Variants in ZEB2 observed in about 807,000 individuals in gnomAD.
ZEB2 encodes zinc finger E-box-binding homeobox 2.
ZEB2 carries 6 observed loss-of-function variants against 99.9 expected under a neutral mutation model. The observed-to-expected ratio is 0.06, with a 90% confidence interval of 0.03 to 0.12. The LOEUF is 0.12. Among genes scored for constraint, ZEB2 ranks in the 10% least tolerant of loss-of-function variants. The probability of loss-of-function intolerance (pLI) is 1.00; values close to 1 mark genes in which losing one functional copy is unlikely to be tolerated. For missense variants in ZEB2, 969 were observed against 1,502.8 expected (o/e 0.64, Z 5.87); for synonymous variants, 517 against 542.5 (o/e 0.95, Z 0.65).
chr2:144,460,213 T>G (rs189100412), intron 2 of ZEB2, among the ~76,000 whole-genome samples: 1 of 152,154 alleles, frequency 6.6e-6, no homozygotes, highest in Non-Finnish European at 1.5e-5. Context: ...GATTAAACCA[T>G]GGACACGTCA....
intron 2 of ZEB2, among the ~76,000 whole-genome samples, chr2:144,432,355 T>TAA (rs1703785113): frequency 6.6e-6 from 1 of 152,208 alleles, no homozygotes; most frequent in East Asian, 1.9e-4. Context: ...TGCCATCTTT[T>TAA]CTAGCGCTGT....
rs1560607170 is a variant in ZEB2 at position 144,399,826 on chromosome 2, T to A, written c.1361A>T (p.Asn454Ile). Residue 454 changes from asparagine (N) to isoleucine (I), a missense_variant, in exon 8 of 10, where the codon AAT (asparagine) becomes ATT (isoleucine). Physicochemically the swap from Asn to Ile is moderately radical, Grantham distance 149 (BLOSUM62 -3). Transcript: ENST00000627532. The surrounding 1 kb of genome is among the most constrained non-coding windows in gnomAD (Gnocchi z 5.6). ...EAPLLGFPTM[N>I]SNLSEVQKVL... ...CTTTTGTACCTCACTTAAATTACTA[T>A]TCATGGTGGGAAACCCAAGTAAAGG... 6.2e-7 allele frequency: 1 copy of A among 1,614,164 alleles called. No homozygotes were observed. Among genetic ancestry groups the A allele is most frequent in the Non-Finnish European group, 8.5e-7 (1 of 1,180,024 alleles).
At chr2:144,510,722 C>CTCTT (rs1553970819) in intron 2 of ZEB2, among the ~76,000 whole-genome samples, 10 of 151,898 alleles carry the variant, frequency 6.6e-5, no homozygotes, top group Admixed American at 2.6e-4. Flanking sequence ...CTCTCTTTCT[C>CTCTT]TCTCTCTTTC....
At chr2:144,516,644 C>G (rs1705150730) in intron 2 of ZEB2, 1 of 151,788 alleles carries the variant, frequency 6.6e-6, no homozygotes, top group Non-Finnish European at 1.5e-5. Context: ...CGTCCCCGAG[C>G]CATCATCGAC....
chr2:144,448,222 A>T (rs914153437), intron 2 of ZEB2, among the ~76,000 whole-genome samples: 2 of 152,168 alleles, frequency 1.3e-5, no homozygotes, highest in African/African-American at 4.8e-5. Flanking sequence ...AGTTGGATAA[A>T]GGGCAATGCA....
At chr2:144,394,133 C>T (rs917959852) in intron 9 of ZEB2, among the ~76,000 whole-genome samples, 18 of 152,128 alleles carry the variant, frequency 1.2e-4, no homozygotes, top group African/African-American at 3.9e-4. Context: ...GTTGGTCAGG[C>T]TGGTCTTGAA....
At chr2:144,511,727 G>A in intron 2 of ZEB2, 4 of 1,286,204 alleles carry the variant, frequency 3.1e-6, no homozygotes, top group Non-Finnish European at 4.0e-6. Context: ...ATGAGGAGGT[G>A]CCTGGATGTT....
intron 7 of ZEB2, 83 bp from the exon 8 acceptor site, chr2:144,400,353 A>G: frequency 6.7e-7 from 1 of 1,490,176 alleles, no homozygotes; most frequent in Non-Finnish European, 9.1e-7. Context: ...AATCTGTGAA[A>G]CCAAACAAAA....
At chr2:144,396,694 A>T in intron 8 of ZEB2, 102 bp from the exon 9 acceptor site, 1 of 1,301,586 alleles carries the variant, frequency 7.7e-7, no homozygotes, top group East Asian at 2.5e-5. Context: ...ATTGCTTGCT[A>T]CTAATTGATT....
In ZEB2 at chr2:144,386,124, C is replaced by T. The variant is rs959525919; in HGVS notation, c.*3327G>A. ...AATGGGCAGGGGTGTTCAGTTGTTC[C>T]AGTGTTTCCTCATCCTCCCCTGCCC... On this transcript the variant is annotated 3_prime_UTR_variant, in exon 10 of 10. Transcript: ENST00000627532. 3.3e-5 allele frequency: 5 copies of T among 152,030 alleles called. No individual in the cohort carries two copies. The highest frequency in any genetic ancestry group is 9.7e-5 in the African/African-American group (4 of 41,390). 9.4% of individuals were successfully genotyped at this position (152,030 alleles called of 1,614,324 possible). A position where few individuals can be genotyped will look rare whatever the true frequency, so the allele number is the denominator to read the frequency against.
intron 2 of ZEB2, among the ~76,000 whole-genome samples, chr2:144,468,784 T>C (rs1044125055): frequency 1.3e-5 from 2 of 152,116 alleles, no homozygotes; most frequent in African/African-American, 4.8e-5. Context: ...TCTGGGATGC[T>C]GTTTCTACCA....
chr2:144,509,202 G>T (rs756599420), intron 2 of ZEB2, among the ~76,000 whole-genome samples: 1 of 152,126 alleles, frequency 6.6e-6, no homozygotes. Flanking sequence ...GAGTGTTCCC[G>T]CATTGCTGGG....
intron 2 of ZEB2, among the ~76,000 whole-genome samples, chr2:144,488,121 A>C (rs528624728): frequency 1.3e-5 from 2 of 152,334 alleles, no homozygotes; most frequent in Non-Finnish European, 2.9e-5. Flanking sequence ...CCAGCTTCAT[A>C]TATCTGTGTC....
chr2:144,470,555 A>G (rs1704339536), intron 2 of ZEB2: 1 of 152,160 alleles, frequency 6.6e-6, no homozygotes, highest in African/African-American at 2.4e-5. Context: ...TATTGTCTCC[A>G]GAGGGCTGTT....
rs550115399 is a variant in ZEB2, at chr2:144,446,972, C to T, written c.74-16946G>A. 1.4e-4 allele frequency among the ~76,000 whole-genome samples: 21 copies of T among 148,876 alleles called. 1 individual carries two copies. The highest frequency in any genetic ancestry group is 6.3e-4 in the South Asian group (3 of 4,730). On this transcript the variant is annotated intron_variant, in intron 2 of 9. Transcript: ENST00000627532. ...TGGAGGTTGCAGTGAGCTGAGATCGCGCCACGGCACTCCAGCCTGGGTGAC... is the reference window on the plus strand; with the variant it reads ...TGGAGGTTGCAGTGAGCTGAGATCGTGCCACGGCACTCCAGCCTGGGTGAC...
At chr2:144,440,506 TATATATATA>T (rs1396068891) in intron 2 of ZEB2, among the ~76,000 whole-genome samples, 1 of 8,948 alleles carries the variant, frequency 1.1e-4, no homozygotes, top group African/African-American at 2.6e-4. Context: ...TATATATATA[TATATATATA>T]TTTTTTTTTT....
rs759505392 is a variant in ZEB2 at position 144,398,802 on chromosome 2, G to C, written c.2385C>G (p.Asn795Lys). 1 of 1,614,108 alleles carries C rather than the reference G, an allele frequency of 6.2e-7. No homozygotes were observed. Among genetic ancestry groups the C allele is most frequent in the South Asian group, 1.1e-5 (1 of 91,082 alleles). Reference protein sequence around the residue: ...PLNLSSTSSKNSHSSSYTPNS... With the variant: ...PLNLSSTSSKKSHSSSYTPNS... Reference sequence around the variant, plus strand: ...TTGGAGTGTATGAACTACTGTGGGAGTTTTTAGAAGATGTGGAGGAAAGAT... The same window carrying C: ...TTGGAGTGTATGAACTACTGTGGGACTTTTTAGAAGATGTGGAGGAAAGAT... The change falls in exon 8 of 10, where the codon AAC becomes AAG. Residue 795 changes from asparagine to lysine, a missense_variant. By Grantham distance (94) the Asn-to-Lys change is moderately conservative (BLOSUM62 0). Coordinates refer to ENST00000627532, the MANE Select transcript of ZEB2 (RefSeq NM_014795.4).
At chr2:144,440,514 T>TAC (rs1703898990) in intron 2 of ZEB2, among the ~76,000 whole-genome samples, 1 of 3,086 alleles carries the variant, frequency 3.2e-4, no homozygotes, top group African/African-American at 6.5e-4. Context: ...TATATATATA[T>TAC]ATTTTTTTTT....
chr2:144,453,708 CT>C (rs940963813), intron 2 of ZEB2, among the ~76,000 whole-genome samples: 1 of 152,182 alleles, frequency 6.6e-6, no homozygotes, highest in African/African-American at 2.4e-5. Context: ...CCCCTCACCC[CT>C]TTTGTGGCGA....
Sources: allele counts gnomAD v4.1 joint callset (sites outside exome capture counted in the v4.1 genomes callset), GRCh38; gene constraint gnomAD v4.1.1; non-coding constraint Gnocchi (gnomAD v3.1); transcripts MANE v1.5; gene names NCBI Gene and HGNC (gene_info 2026-07-23, HGNC 2026-07-21).